GPR39: variants seen among roughly 807,000 people sequenced by gnomAD.
GPR39 encodes the protein zinc sensing receptor.
Under a neutral mutation model 18.4 loss-of-function variants are expected in GPR39, and 23 were observed. The ratio of observed to expected loss-of-function variants is 1.25; its 90% confidence interval spans 0.90 to 1.77. GPR39 has a LOEUF of 1.77. Ranked by LOEUF, GPR39 falls within the 40% of genes most tolerant of loss-of-function variation. The probability of loss-of-function intolerance (pLI) is 0.00; values close to 1 mark genes in which losing one functional copy is unlikely to be tolerated. For synonymous variants in GPR39, 280 were observed against 257.9 expected, an observed-to-expected ratio of 1.09 and a Z score of -0.82; for missense variants, 647 against 602.4, an observed-to-expected ratio of 1.07 and a Z score of -0.78.
intron 1 of GPR39, among the ~76,000 whole-genome samples, chr2:132,493,313 A>G (rs1357540468): frequency 6.8e-6 from 1 of 146,658 alleles, no homozygotes; most frequent in Non-Finnish European, 1.5e-5. Context: ...TATATATACC[A>G]TATATATACA....
Position 132,646,098 on chromosome 2 carries a change from G to T in GPR39, c.*492G>T. ...TTGAGGAACAGGATGGTGGTGCGGA[G>T]CCCTGGCCTGAGGGCCGAGGCAGAA... On this transcript the variant is annotated 3_prime_UTR_variant, in exon 2 of 2. Transcript: ENST00000329321. The T allele has an allele frequency of 6.2e-7, 1 of 1,607,396 alleles. No homozygotes were observed. Among genetic ancestry groups the T allele is most frequent in the Non-Finnish European group, 8.5e-7 (1 of 1,176,396 alleles).
At chr2:132,544,975 AAT>A (rs1281621071) in intron 1 of GPR39, among the ~76,000 whole-genome samples, 1 of 152,210 alleles carries the variant, frequency 6.6e-6, no homozygotes, top group East Asian at 1.9e-4. Context: ...ATATATGTAA[AAT>A]AGGTGAAGCG....
chr2:132,533,112 A>C (rs374563813), intron 1 of GPR39, among the ~76,000 whole-genome samples: 3 of 152,202 alleles, frequency 2.0e-5, no homozygotes, highest in African/African-American at 4.8e-5. Flanking sequence ...GTCTCAGCCC[A>C]AAATCTCCTT....
intron 1 of GPR39, among the ~76,000 whole-genome samples, chr2:132,529,143 G>A (rs768194378): frequency 6.6e-6 from 1 of 152,124 alleles, no homozygotes; most frequent in Non-Finnish European, 1.5e-5. Context: ...CTGGAAAATC[G>A]AGTCACTCCC....
intron 1 of GPR39, among the ~76,000 whole-genome samples, chr2:132,606,381 A>C (rs1192229679): frequency 6.6e-6 from 1 of 152,266 alleles, no homozygotes; most frequent in Admixed American, 6.5e-5. Flanking sequence ...GCAAGTATTT[A>C]TAAAAGTGAA....
chr2:132,578,095 G>T (rs1287018093), intron 1 of GPR39, among the ~76,000 whole-genome samples: 8 of 143,056 alleles, frequency 5.6e-5, no homozygotes, highest in African/African-American at 1.5e-4. Context: ...ATAAATGGGT[G>T]TTGGATTTTG....
intron 1 of GPR39, among the ~76,000 whole-genome samples, chr2:132,551,692 A>G (rs1413816882): frequency 1.3e-5 from 2 of 152,256 alleles, no homozygotes; most frequent in African/African-American, 4.8e-5. Flanking sequence ...TGTGGAAACA[A>G]TAAATGCCTG....
At chr2:132,531,395 A>G (rs1245564924) in intron 1 of GPR39, among the ~76,000 whole-genome samples, 1 of 152,204 alleles carries the variant, frequency 6.6e-6, no homozygotes, top group Non-Finnish European at 1.5e-5. Flanking sequence ...ACTCCCACAC[A>G]ATAATAATGG....
At chr2:132,631,683 GATA>G (rs1221503946) in intron 1 of GPR39, among the ~76,000 whole-genome samples, 1 of 152,176 alleles carries the variant, frequency 6.6e-6, no homozygotes, top group Non-Finnish European at 1.5e-5. Flanking sequence ...GAGATGAACA[GATA>G]ATAAGAAATG....
At chr2:132,543,797 C>T (rs1327953687) in intron 1 of GPR39, among the ~76,000 whole-genome samples, 1 of 152,152 alleles carries the variant, frequency 6.6e-6, no homozygotes, top group Non-Finnish European at 1.5e-5. Flanking sequence ...CTAAGATTTG[C>T]AGCAGGAGAA....
intron 1 of GPR39, among the ~76,000 whole-genome samples, chr2:132,621,071 G>A (rs1681432888): frequency 6.6e-6 from 1 of 152,016 alleles, no homozygotes; most frequent in African/African-American, 2.4e-5. Flanking sequence ...TTTTAAATAT[G>A]TCCATTCCCC....
Position 132,417,084 on chromosome 2 carries a change from C to T in GPR39, c.42C>T (p.Ile14=), listed in dbSNP as rs997144621. The T allele has an allele frequency of 1.2e-5, 19 of 1,614,176 alleles. No individual in the cohort carries two copies. The highest frequency in any genetic ancestry group is 1.6e-5 in the Non-Finnish European group (19 of 1,180,030). Residue 14 remains isoleucine, a synonymous_variant, in exon 1 of 2, where the codon ATC becomes ATT. Transcript: ENST00000329321. ...PSLPGSDCSQ[I]IDHSHVPEFE... The stretch of plus-strand genomic sequence containing the variant: ...TCCCGGGCAGTGACTGCTCCCAAAT[C>T]ATTGATCACAGTCATGTCCCCGAGT...
intron 1 of GPR39, among the ~76,000 whole-genome samples, chr2:132,445,081 T>C (rs1173960065): frequency 6.6e-6 from 1 of 152,178 alleles, no homozygotes; most frequent in Non-Finnish European, 1.5e-5. Context: ...TTTTAAAAAA[T>C]TATAGAATAA....
intron 1 of GPR39, among the ~76,000 whole-genome samples, chr2:132,480,158 C>T (rs373993174): frequency 2.6e-5 from 4 of 152,096 alleles, no homozygotes; most frequent in South Asian, 4.1e-4. Context: ...AAGTCAATCA[C>T]GAAAAGATAA....
chr2:132,535,630 G>A (rs1215153955), intron 1 of GPR39, among the ~76,000 whole-genome samples: 1 of 151,778 alleles, frequency 6.6e-6, no homozygotes, highest in Non-Finnish European at 1.5e-5. Flanking sequence ...AGTTTCAGAA[G>A]GAATGGTACC....
At chr2:132,493,438 C>T (rs1337797558) in intron 1 of GPR39, among the ~76,000 whole-genome samples, 3 of 146,574 alleles carry the variant, frequency 2.0e-5, no homozygotes, top group Non-Finnish European at 4.5e-5. Context: ...TATATACACA[C>T]ACCATATATA....
intron 1 of GPR39, among the ~76,000 whole-genome samples, chr2:132,496,010 T>G (rs535483934): frequency 6.6e-6 from 1 of 152,234 alleles, no homozygotes; most frequent in East Asian, 1.9e-4. Context: ...TTTCAAGGCT[T>G]CTCTTAATGA....
intron 1 of GPR39, among the ~76,000 whole-genome samples, chr2:132,537,140 G>C (rs1488671795): frequency 6.6e-6 from 1 of 152,208 alleles, no homozygotes; most frequent in Non-Finnish European, 1.5e-5. Context: ...TTGCACACTA[G>C]TTGATGCAGT....
At chr2:132,585,958 T>G (rs1025818164) in intron 1 of GPR39, among the ~76,000 whole-genome samples, 3 of 141,202 alleles carry the variant, frequency 2.1e-5, no homozygotes, top group Admixed American at 7.0e-5. Context: ...GTTTTTTTTT[T>G]TTTTTTTTTT....
Sources: allele counts gnomAD v4.1 joint callset (sites outside exome capture counted in the v4.1 genomes callset), GRCh38; gene constraint gnomAD v4.1.1; transcripts MANE v1.5; gene names NCBI Gene and HGNC (gene_info 2026-07-23, HGNC 2026-07-21).